Variants in REL observed in about 807,000 individuals in gnomAD.
The protein encoded by REL is REL proto-oncogene, NF-kB subunit.
Under a neutral mutation model 45.9 loss-of-function variants are expected in REL, and 15 were observed. That is an observed-to-expected ratio of 0.33 (90% CI 0.22 to 0.50). REL has a LOEUF of 0.50. Ranked by LOEUF, REL falls within the 20% of genes least tolerant of loss-of-function variation. REL has a pLI of 0.98. For missense variants in REL, 601 were observed against 715.2 expected (o/e 0.84, Z 1.82); for synonymous variants, 239 against 242.1 (o/e 0.99, Z 0.12).
At chr2:60,901,121 G>T (rs778752765) in intron 4 of REL, 38 bp downstream of exon 4, 11 of 1,460,558 alleles carry the variant, frequency 7.5e-6, no homozygotes, top group East Asian at 5.4e-5. Flanking sequence ...ATTTATTTGG[G>T]TGTTGATTTC....
chr2:60,918,329 T>G, intron 6 of REL, 34 bp downstream of exon 6: 1 of 1,561,118 alleles, frequency 6.4e-7, no homozygotes, highest in Non-Finnish European at 8.7e-7. Context: ...TAGAATAAAT[T>G]TTAGATTAAT....
At chr2:60,906,913 A>ATTTTTTTTTTTT (rs1162627805) in intron 4 of REL, among the ~76,000 whole-genome samples, 11 of 104,304 alleles carry the variant, frequency 1.1e-4, no homozygotes, top group African/African-American at 4.0e-4. Context: ...ATATATATAT[A>ATTTTTTTTTTTT]TTTTTTTTTT....
intron 4 of REL, among the ~76,000 whole-genome samples, chr2:60,916,374 A>G (rs1162825961): frequency 1.3e-5 from 2 of 152,224 alleles, no homozygotes; most frequent in Non-Finnish European, 2.9e-5. Flanking sequence ...AAATCGCATC[A>G]CTGCACTCCA....
Position 60,927,060 on chromosome 2 carries a change from G to T in REL, c.*4525G>T. 1 of 228,288 alleles carries T rather than the reference G, an allele frequency of 4.4e-6. No individual in the cohort carries two copies. The highest frequency in any genetic ancestry group is 8.7e-6 in the Non-Finnish European group (1 of 114,978). 14.1% of individuals were successfully genotyped at this position (228,288 alleles called of 1,614,324 possible). A position where few individuals can be genotyped will look rare whatever the true frequency, so the allele number is the denominator to read the frequency against. On this transcript the variant is annotated 3_prime_UTR_variant, in exon 10 of 10. Coordinates refer to ENST00000394479, the MANE Select transcript of REL (RefSeq NM_001291746.2). ...AGGCTGGGCTTCTGTATGAAGGTTG[G>T]TCCTGCCTCCTTACTTGAGGTGAAG...
intron 4 of REL, among the ~76,000 whole-genome samples, chr2:60,905,844 T>C (rs1317710849): frequency 6.6e-6 from 1 of 152,232 alleles, no homozygotes; most frequent in Non-Finnish European, 1.5e-5. Flanking sequence ...TCTTTCACCA[T>C]GACCCACAGT....
At position 60,930,368 on chromosome 2, in the gene REL, T is replaced by G. The variant is rs976540506; in HGVS notation, c.*7833T>G. 4 of 152,348 alleles carry G rather than the reference T, an allele frequency of 2.6e-5. No individual in the cohort carries two copies. The highest frequency in any genetic ancestry group is 4.8e-5 in the African/African-American group (2 of 41,442). 9.4% of individuals were successfully genotyped at this position (152,348 alleles called of 1,614,324 possible). Reference sequence around the variant, plus strand: ...TTTAGTAAGAAACCTGAGATGGACTTCTCATTAGCATTAACTAGTTATTGC... The same window carrying G: ...TTTAGTAAGAAACCTGAGATGGACTGCTCATTAGCATTAACTAGTTATTGC... On this transcript the variant is annotated 3_prime_UTR_variant, in exon 10 of 10. Transcript: ENST00000394479.
chr2:60,881,789 C>T lies in REL; in HGVS notation c.-52C>T, dbSNP rs1290302153. 3.3e-6 allele frequency: 5 copies of T among 1,526,096 alleles called. No homozygotes were observed. Among genetic ancestry groups the T allele is most frequent in the Non-Finnish European group, 2.6e-6 (3 of 1,137,264 alleles). The allele number at this position is 1,526,096 out of a possible 1,614,324, so 94.5% of individuals were successfully genotyped here. A position where few individuals can be genotyped will look rare whatever the true frequency, so the allele number is the denominator to read the frequency against. On this transcript the variant is annotated 5_prime_UTR_variant, in exon 1 of 10. Transcript: ENST00000394479. ...CTCCTGACTGACTGACTGCGGCCGCCTCCGGCCAGGACGCTGGGAGCTGCC... is the reference window on the plus strand; with the variant it reads ...CTCCTGACTGACTGACTGCGGCCGCTTCCGGCCAGGACGCTGGGAGCTGCC...
chr2:60,920,255 G>T, intron 8 of REL, 146 bp downstream of exon 8: 1 of 676,814 alleles, frequency 1.5e-6, no homozygotes, highest in Non-Finnish European at 2.5e-6. Flanking sequence ...AGGCTGGAGT[G>T]CAGTAGGGCA....
At chr2:60,913,687 A>G (rs777894210) in intron 4 of REL, among the ~76,000 whole-genome samples, 2 of 152,224 alleles carry the variant, frequency 1.3e-5, no homozygotes, top group Non-Finnish European at 2.9e-5. Context: ...ATATTCAGAT[A>G]AAAGTGGCCT....
At position 60,924,519 on chromosome 2, in the gene REL, A is replaced by C. The variant is rs145469807; in HGVS notation, c.*1984A>C. 4.6e-6 allele frequency: 1 copy of C among 216,688 alleles called. No individual in the cohort carries two copies. Among genetic ancestry groups the C allele is most frequent in the African/African-American group, 2.2e-5 (1 of 44,542 alleles). The allele number at this position is 216,688 out of a possible 1,614,324, so 13.4% of individuals were successfully genotyped here. A position where few individuals can be genotyped will look rare whatever the true frequency, so the allele number is the denominator to read the frequency against. On this transcript the variant is annotated 3_prime_UTR_variant, in exon 10 of 10. Coordinates refer to ENST00000394479, the MANE Select transcript of REL (RefSeq NM_001291746.2). ...ATGAGAATCGTGTACATTCAAGTCC[A>C]GGAATAATAATGGTCATCCAAATTG...
At chr2:60,919,995 C>CA (rs1406096460) in intron 7 of REL, 46 bp from the exon 8 acceptor site, 1 of 1,227,800 alleles carries the variant, frequency 8.1e-7, no homozygotes, top group South Asian at 1.3e-5. Context: ...GGAGAGGATA[C>CA]AATCCTATAA....
chr2:60,911,008 T>C (rs560306797), intron 4 of REL, among the ~76,000 whole-genome samples: 43 of 152,316 alleles, frequency 2.8e-4, no homozygotes, highest in Admixed American at 2.1e-3. Context: ...TAGAATGATA[T>C]GTATCTATTA....
At chr2:60,920,456 C>G in intron 8 of REL, 118 bp from the exon 9 acceptor site, 1 of 778,466 alleles carries the variant, frequency 1.3e-6, no homozygotes, top group East Asian at 2.6e-5. Context: ...CCACCTTGGC[C>G]TCCCAAAGTG....
chr2:60,897,525 C>G (rs1673381861), intron 3 of REL, among the ~76,000 whole-genome samples: 1 of 151,934 alleles, frequency 6.6e-6, no homozygotes, highest in African/African-American at 2.4e-5. Flanking sequence ...CCAGGCTTGT[C>G]TCAAACTCGT....
At position 60,918,944 on chromosome 2, in the gene REL, C is replaced by A. The variant is rs192091779; in HGVS notation, c.853+338C>A. 2.1e-3 allele frequency among the ~76,000 whole-genome samples: 319 copies of A among 152,240 alleles called. 2 individuals carry two copies. The highest frequency in any genetic ancestry group is 0.01 in the Middle Eastern group (3 of 294). ...TAGCTGGGACTATAGGCACGTGCCA[C>A]CACGCTGGGCTACTACTTTTGTATT... On this transcript the variant is annotated intron_variant, in intron 7 of 9. Transcript: ENST00000394479.
In REL at chr2:60,918,454, CTGA is replaced by C; in HGVS notation, c.704_706del (p.Asp235del). On this transcript the variant is annotated inframe_deletion, in exon 7 of 10. Coordinates refer to ENST00000394479, the MANE Select transcript of REL (RefSeq NM_001291746.2). ...GAAGCAAAAGGCATCTTTTCACAAG[CTGA>C]TGTACACCGTCAAGTAGCCATTGTT... 6.2e-7 allele frequency: 1 copy of C among 1,613,702 alleles called. No homozygotes were observed. The highest frequency in any genetic ancestry group is 8.5e-7 in the Non-Finnish European group (1 of 1,179,946).
At chr2:60,910,295 C>T (rs1259489867) in intron 4 of REL, among the ~76,000 whole-genome samples, 1 of 151,712 alleles carries the variant, frequency 6.6e-6, no homozygotes, top group Non-Finnish European at 1.5e-5. Context: ...GAAACTCCGT[C>T]TCTACTAAAA....
chr2:60,915,995 A>C (rs2103976417), intron 4 of REL, among the ~76,000 whole-genome samples: 1 of 152,350 alleles, frequency 6.6e-6, no homozygotes, highest in East Asian at 1.9e-4. Context: ...ATTTTTATGT[A>C]CAACACATGT....
Position 60,922,303 on chromosome 2 carries a change from G to A in REL, c.1532G>A (p.Ser511Asn), listed in dbSNP as rs758813861. The A allele has an allele frequency of 2.0e-5, 32 of 1,614,002 alleles. No individual in the cohort carries two copies. The highest frequency in any genetic ancestry group is 2.3e-5 in the Non-Finnish European group (27 of 1,180,028). The change falls in exon 10 of 10, where the codon AGT becomes AAT. Residue 511 changes from serine to asparagine, a missense_variant. Coordinates refer to ENST00000394479, the MANE Select transcript of REL (RefSeq NM_001291746.2). The stretch of plus-strand genomic sequence containing the variant: ...CAGCTCCATCAGATGTCCTCTTCCA[G>A]TATGTCAGCAGGCGCCAATTCCAAT... ...LRQLHQMSSS[S>N]MSAGANSNTT...
Sources: gnomAD v4.1 joint callset for allele counts (sites outside exome capture counted in the v4.1 genomes callset) on GRCh38, gnomAD v4.1.1 for gene constraint, MANE v1.5 for transcripts, NCBI Gene and HGNC (gene_info 2026-07-23, HGNC 2026-07-21) for gene names.